The following USP53 variants were observed in gnomAD, a reference collection of about 807,000 sequenced individuals.
USP53 encodes ubiquitin carboxyl-terminal hydrolase 53.
USP53 carries 71 observed loss-of-function variants against 94.9 expected under a neutral mutation model. The observed-to-expected ratio is 0.75, with a 90% CI of 0.62 to 0.91. USP53 has a LOEUF of 0.91. USP53 is among the 40% of genes least tolerant of loss of function. USP53 has a pLI of 0.00. For synonymous variants in USP53, 375 were observed against 422.7 expected, an observed-to-expected ratio of 0.89 and a Z score of 1.39; for missense variants, 1,173 against 1,281.0, an observed-to-expected ratio of 0.92 and a Z score of 1.29.
chr4:119,266,344 G>T (rs1468572104), intron 12 of USP53: 1 of 456,062 alleles, frequency 2.2e-6, no homozygotes, highest in Non-Finnish European at 4.4e-6. Flanking sequence ...GTAAGTGTCT[G>T]TTTAACTTTA....
chr4:119,256,268 A>AT lies in USP53; in HGVS notation c.399dup (p.His134SerfsTer14). On this transcript the variant is annotated frameshift_variant, in exon 8 of 19. Transcript: ENST00000692078. LOFTEE classifies it high-confidence loss of function. ...TAGGAAAATATGTTGGAGAGGATTC[A>AT]TTTTCACATAGTGCCAAGCAGAGAT... The AT allele has an allele frequency of 6.2e-7, 1 of 1,612,650 alleles. No individual in the cohort carries two copies. Among genetic ancestry groups the AT allele is most frequent in the South Asian group, 1.1e-5 (1 of 90,552 alleles).
intron 17 of USP53, among the ~76,000 whole-genome samples, chr4:119,284,529 G>A (rs971331756): frequency 6.6e-6 from 1 of 151,842 alleles, no homozygotes; most frequent in Admixed American, 6.6e-5. Flanking sequence ...AAATGGAATT[G>A]TAGCGGAGGG....
chr4:119,283,472 A>G (rs966035095), intron 17 of USP53, among the ~76,000 whole-genome samples: 8 of 151,950 alleles, frequency 5.3e-5, no homozygotes, highest in Middle Eastern at 3.2e-3. Flanking sequence ...TTTGGAAAAG[A>G]CTGTGGTGGT....
intron 2 of USP53, among the ~76,000 whole-genome samples, chr4:119,216,816 T>TTAATAAGTTTAATGG (rs1743832442): frequency 6.6e-6 from 1 of 152,208 alleles, no homozygotes; most frequent in Admixed American, 6.5e-5. Context: ...AATATATCAG[T>TTAATAAGTTTAATGG]TTAAGGTATT....
intron 3 of USP53, among the ~76,000 whole-genome samples, chr4:119,223,775 C>A (rs1744865465): frequency 6.6e-6 from 1 of 152,078 alleles, no homozygotes; most frequent in African/African-American, 2.4e-5. Context: ...CTAATTTTAG[C>A]TCTACTACTT....
At chr4:119,291,465 TCACAG>T (rs1754756186) in intron 18 of USP53, among the ~76,000 whole-genome samples, 1 of 152,250 alleles carries the variant, frequency 6.6e-6, no homozygotes, top group Non-Finnish European at 1.5e-5. Flanking sequence ...GTTTCAATCC[TCACAG>T]CATTCTTATG....
At chr4:119,260,293 T>C (rs1264744421) in intron 10 of USP53, among the ~76,000 whole-genome samples, 1 of 152,166 alleles carries the variant, frequency 6.6e-6, no homozygotes, top group Non-Finnish European at 1.5e-5. Context: ...ATTCTTACTT[T>C]AACAGATTTA....
At chr4:119,257,069 C>T (rs1749864246) in intron 9 of USP53, among the ~76,000 whole-genome samples, 1 of 152,152 alleles carries the variant, frequency 6.6e-6, no homozygotes, top group African/African-American at 2.4e-5. Context: ...AAGATTAGCT[C>T]GTTAAGGATC....
Position 119,239,873 on chromosome 4 carries a change from A to T in USP53, c.114A>T (p.Gln38His), listed in dbSNP as rs770540742. Residue 38 changes from glutamine to histidine, a missense_variant, in exon 5 of 19, where the codon CAA (glutamine) becomes CAT (histidine). Physicochemically the swap from Gln to His is conservative, Grantham distance 24 (BLOSUM62 0). Transcript: ENST00000692078. ...PTKGLLNEPG[Q>H]NSCFLNSAVQ... ...AAGGCTTGTTAAATGAACCAGGACAAAACAGCTGCTTTCTTAATAGCGCTG... is the reference window on the plus strand; with the variant it reads ...AAGGCTTGTTAAATGAACCAGGACATAACAGCTGCTTTCTTAATAGCGCTG... The T allele has an allele frequency of 1.2e-6, 2 of 1,608,154 alleles. No homozygotes were observed. Among genetic ancestry groups the T allele is most frequent in the East Asian group, 4.5e-5 (2 of 44,770 alleles).
chr4:119,262,465 A>C (rs1750628875), intron 12 of USP53, among the ~76,000 whole-genome samples: 1 of 152,136 alleles, frequency 6.6e-6, no homozygotes, highest in Non-Finnish European at 1.5e-5. Context: ...TAAACAGTCA[A>C]TTAACACATA....
rs923539071 is a variant in USP53, at chr4:119,212,802, C to G, written c.-1013C>G. 11 of 291,538 alleles carry G rather than the reference C, an allele frequency of 3.8e-5. No individual in the cohort carries two copies. The highest frequency in any genetic ancestry group is 6.3e-5 in the Non-Finnish European group (9 of 143,796). 18.1% of individuals were successfully genotyped at this position (291,538 alleles called of 1,614,324 possible). A position where few individuals can be genotyped will look rare whatever the true frequency, so the allele number is the denominator to read the frequency against. On this transcript the variant is annotated 5_prime_UTR_variant, in exon 1 of 19. Coordinates refer to ENST00000692078, the MANE Select transcript of USP53 (RefSeq NM_001371395.1). Reference sequence around the variant, plus strand: ...GGGGCTGGGCCAGCGGGAGGTAGCTCTGTGGGAGTGGAAGGCCTGTATTTC... The same window carrying G: ...GGGGCTGGGCCAGCGGGAGGTAGCTGTGTGGGAGTGGAAGGCCTGTATTTC...
At position 119,293,044 on chromosome 4, in the gene USP53, C is replaced by T; in HGVS notation, c.3055C>T (p.Gln1019Ter). The T allele has an allele frequency of 6.2e-7, 1 of 1,614,056 alleles. No homozygotes were observed. Among genetic ancestry groups the T allele is most frequent in the Non-Finnish European group, 8.5e-7 (1 of 1,179,952 alleles). Residue 1019 changes from glutamine (Q) to a stop codon, truncating the protein, a stop_gained, in exon 19 of 19, where the codon CAA (glutamine) becomes TAA (stop). Transcript: ENST00000692078. LOFTEE classifies it high-confidence loss of function. Reference sequence around the variant, plus strand: ...CTCAGGTGCCATTGATGCATTTTGCCAACCAGAACTAGACTCTATTTCTAC... The same window carrying T: ...CTCAGGTGCCATTGATGCATTTTGCTAACCAGAACTAGACTCTATTTCTAC... The part of the protein sequence containing the change: ...ANSGAIDAFC[Q>*]PELDSISTCP...
intron 14 of USP53, 147 bp from the exon 15 acceptor site, chr4:119,269,544 A>T: frequency 2.1e-6 from 1 of 480,336 alleles, no homozygotes; most frequent in Non-Finnish European, 3.2e-6. Flanking sequence ...CTAGTTTTTA[A>T]TCATAAAAAT....
chr4:119,239,801 T>G lies in USP53; in HGVS notation c.42T>G (p.Leu14=). The change falls in exon 5 of 19, where the codon CTT becomes CTG. Residue 14 remains leucine, a synonymous_variant. Coordinates refer to ENST00000692078, the MANE Select transcript of USP53 (RefSeq NM_001371395.1). ...TCTTACGGAAACCTGGTGGCAATCT[T>G]GGAAAAGTTTATCAGCCTGGAAGTA... is the stretch of plus-strand genomic sequence containing the variant. The part of the protein sequence containing the change: ...VKFLRKPGGN[L]GKVYQPGSML... The G allele has an allele frequency of 6.2e-7, 1 of 1,612,192 alleles. No individual in the cohort carries two copies. The highest frequency in any genetic ancestry group is 8.5e-7 in the Non-Finnish European group (1 of 1,179,340).
chr4:119,273,315 CAAAA>C (rs11366529), intron 16 of USP53: 38 of 141,486 alleles, frequency 2.7e-4, no homozygotes, highest in Middle Eastern at 3.2e-3. Flanking sequence ...GGTCCTGGCT[CAAAA>C]AAAAAAAAAA....
intron 14 of USP53, among the ~76,000 whole-genome samples, chr4:119,268,901 G>T (rs1460266063): frequency 6.6e-6 from 1 of 152,136 alleles, no homozygotes; most frequent in Non-Finnish European, 1.5e-5. Flanking sequence ...TCTGTAACTT[G>T]GGTCCAGAAT....
intron 7 of USP53, among the ~76,000 whole-genome samples, chr4:119,250,981 G>A (rs912612690): frequency 3.3e-5 from 5 of 151,620 alleles, no homozygotes; most frequent in African/African-American, 7.3e-5. Context: ...AGGTATACAC[G>A]TGGCATGATG....
At chr4:119,273,378 G>C in intron 16 of USP53, 1 of 309,300 alleles carries the variant, frequency 3.2e-6, no homozygotes, top group Non-Finnish European at 6.0e-6. Flanking sequence ...GAGTAGCCTA[G>C]GGTAGTAGAA....
intron 3 of USP53, among the ~76,000 whole-genome samples, chr4:119,233,874 A>G (rs977004154): frequency 6.6e-6 from 1 of 152,136 alleles, no homozygotes; most frequent in Non-Finnish European, 1.5e-5. Context: ...AGGCTTTAAC[A>G]TGTGTCTTTG....
Sources: allele counts gnomAD v4.1 joint callset (sites outside exome capture counted in the v4.1 genomes callset), GRCh38; gene constraint gnomAD v4.1.1; transcripts MANE v1.5; gene names NCBI Gene and HGNC (gene_info 2026-07-23, HGNC 2026-07-21).